Variants in GABRA5 observed in about 807,000 individuals in gnomAD.
GABRA5 encodes gamma-aminobutyric acid type A receptor subunit alpha5.
A neutral mutation model predicts 47.3 loss-of-function variants in GABRA5; 18 were observed. The observed-to-expected ratio is 0.38, with a 90% confidence interval of 0.26 to 0.56. The LOEUF (loss-of-function observed/expected upper bound fraction) is 0.56, where lower values mean the gene tolerates loss of function less well. Among genes scored for constraint, GABRA5 ranks in the 20% least tolerant of loss-of-function variants. The probability of loss-of-function intolerance (pLI) is 0.71; values close to 1 mark genes in which losing one functional copy is unlikely to be tolerated. For synonymous variants in GABRA5, 237 were observed against 229.3 expected, an observed-to-expected ratio of 1.03 and a Z score of -0.30; for missense variants, 365 against 599.3, an observed-to-expected ratio of 0.61 and a Z score of 4.08.
intron 3 of GABRA5, among the ~76,000 whole-genome samples, chr15:26,876,729 A>T (rs1892605518): frequency 6.6e-6 from 1 of 152,332 alleles, no homozygotes; most frequent in African/African-American, 2.4e-5. Flanking sequence ...AGAATGGAGC[A>T]GTGACTGGAA....
At chr15:26,912,835 C>T (rs983824529) in intron 6 of GABRA5, among the ~76,000 whole-genome samples, 7 of 152,032 alleles carry the variant, frequency 4.6e-5, no homozygotes, top group Non-Finnish European at 7.4e-5. Context: ...GTGAAGTGGT[C>T]GATGTTTATA....
chr15:26,913,942 G>A (rs546267439), intron 6 of GABRA5, among the ~76,000 whole-genome samples: 20 of 152,192 alleles, frequency 1.3e-4, no homozygotes, highest in Middle Eastern at 6.8e-3. Context: ...TCTAGGCCCC[G>A]AATTCCTTAA....
At chr15:26,893,559 C>T (rs546890753) in intron 6 of GABRA5, among the ~76,000 whole-genome samples, 2 of 151,312 alleles carry the variant, frequency 1.3e-5, no homozygotes, top group South Asian at 4.2e-4. Context: ...TGCAGCTGGT[C>T]GGGCTGCCTA....
chr15:26,920,880 C>A (rs978489990), intron 7 of GABRA5, among the ~76,000 whole-genome samples: 2 of 152,258 alleles, frequency 1.3e-5, no homozygotes, highest in Non-Finnish European at 1.5e-5. Flanking sequence ...GAAATCGGTT[C>A]CTCCGACAGC....
chr15:26,893,646 C>T (rs538368377), intron 6 of GABRA5, among the ~76,000 whole-genome samples: 33 of 152,138 alleles, frequency 2.2e-4, no homozygotes, highest in African/African-American at 7.9e-4. Context: ...TAAGCCCTGT[C>T]TGCGGAGCCC....
intron 3 of GABRA5, among the ~76,000 whole-genome samples, chr15:26,870,332 A>G (rs1226714261): frequency 1.3e-5 from 2 of 152,176 alleles, no homozygotes; most frequent in Non-Finnish European, 2.9e-5. Context: ...TCTTCTGTGC[A>G]GAGGAAGGGG....
chr15:26,910,330 G>C (rs1893549712), intron 6 of GABRA5, among the ~76,000 whole-genome samples: 1 of 152,128 alleles, frequency 6.6e-6, no homozygotes, highest in Admixed American at 6.5e-5. Flanking sequence ...GACCGGGTGT[G>C]GTGGCTCACA....
intron 3 of GABRA5, among the ~76,000 whole-genome samples, chr15:26,875,050 G>A (rs1208359314): frequency 1.3e-5 from 2 of 152,138 alleles, no homozygotes; most frequent in African/African-American, 4.8e-5. Flanking sequence ...TTAATCATGG[G>A]TCTCAATGTG....
chr15:26,906,505 A>G (rs1260451953), intron 6 of GABRA5, among the ~76,000 whole-genome samples: 2 of 152,176 alleles, frequency 1.3e-5, no homozygotes, highest in Non-Finnish European at 1.5e-5. Flanking sequence ...CTGGGCATGC[A>G]CGTGACCTCT....
chr15:26,912,581 A>G (rs188016785), intron 6 of GABRA5, among the ~76,000 whole-genome samples: 2 of 152,350 alleles, frequency 1.3e-5, no homozygotes, highest in Non-Finnish European at 1.5e-5. Context: ...GTAAAATAAT[A>G]TAAAAGTCCA....
intron 6 of GABRA5, among the ~76,000 whole-genome samples, chr15:26,912,475 T>C (rs1208572562): frequency 6.6e-6 from 1 of 152,214 alleles, no homozygotes; most frequent in East Asian, 1.9e-4. Flanking sequence ...TTCCAATAAG[T>C]TTTTTCTTTA....
intron 3 of GABRA5, among the ~76,000 whole-genome samples, chr15:26,878,881 C>T (rs1043712497): frequency 6.6e-6 from 1 of 152,102 alleles, no homozygotes; most frequent in South Asian, 2.1e-4. Flanking sequence ...GATTCAGAGC[C>T]CAGTGGGATG....
At chr15:26,911,681 T>C (rs1893597556) in intron 6 of GABRA5, among the ~76,000 whole-genome samples, 2 of 152,042 alleles carry the variant, frequency 1.3e-5, no homozygotes, top group Non-Finnish European at 2.9e-5. Context: ...TGAGAGTAGG[T>C]GCATGCAACA....
chr15:26,909,765 G>T (rs1474705485), intron 6 of GABRA5, among the ~76,000 whole-genome samples: 1 of 152,218 alleles, frequency 6.6e-6, no homozygotes, highest in Non-Finnish European at 1.5e-5. Context: ...TCCATCCCAA[G>T]ATCCTTAAAT....
rs921871137 is a variant in GABRA5, at chr15:26,911,815, C to T, written c.498-2988C>T. The stretch of plus-strand genomic sequence containing the variant: ...AGGAATTCAGCCCGTAGACTGACTT[C>T]TAGGCTGCTTCCAGACCCAGTGGGA... On this transcript the variant is annotated intron_variant, in intron 6 of 10. Coordinates refer to ENST00000335625, the MANE Select transcript of GABRA5 (RefSeq NM_000810.4). Among the ~76,000 whole-genome samples, 3 of 152,160 alleles carry T rather than the reference C, an allele frequency of 2.0e-5. No individual in the cohort carries two copies. In the South Asian group the frequency reaches 6.2e-4, roughly 32 times the overall value.
At chr15:26,909,418 A>G (rs7497011) in intron 6 of GABRA5, among the ~76,000 whole-genome samples, 68,728 of 152,094 alleles carry the variant, frequency 0.45, 16,414 homozygotes, top group Middle Eastern at 0.55. Context: ...GGACATGGAC[A>G]TCTTTGGAGA....
chr15:26,930,633 A>T (rs543245463), intron 7 of GABRA5, among the ~76,000 whole-genome samples: 1 of 152,134 alleles, frequency 6.6e-6, no homozygotes, highest in African/African-American at 2.4e-5. Context: ...TGGATTGCTT[A>T]TATATTCTCT....
chr15:26,914,975 A>G (rs1893686765), intron 7 of GABRA5, 90 bp downstream of exon 7: 2 of 958,636 alleles, frequency 2.1e-6, no homozygotes, highest in South Asian at 1.4e-5. Flanking sequence ...CTGCATATAC[A>G]TAAGCACAAT....
chr15:26,899,220 A>T (rs1014906716), intron 6 of GABRA5, among the ~76,000 whole-genome samples: 2 of 152,104 alleles, frequency 1.3e-5, no homozygotes, highest in Non-Finnish European at 2.9e-5. Flanking sequence ...TTATTTAGAA[A>T]TGTGTTTAAT....
Sources: allele counts gnomAD v4.1 joint callset (sites outside exome capture counted in the v4.1 genomes callset), GRCh38; gene constraint gnomAD v4.1.1; transcripts MANE v1.5; gene names NCBI Gene and HGNC (gene_info 2026-07-23, HGNC 2026-07-21).